Variants in C1QTNF3 observed in about 807,000 individuals in gnomAD.
C1QTNF3 encodes C1q and TNF related 3.
A neutral mutation model predicts 32.6 loss-of-function variants in C1QTNF3; 26 were observed. The ratio of observed to expected loss-of-function variants is 0.80; its 90% CI spans 0.58 to 1.11. The LOEUF is 1.11. C1QTNF3 is among the 50% of genes least tolerant of loss of function. The pLI is 0.00. For missense variants in C1QTNF3, 362 were observed against 398.2 expected, an observed-to-expected ratio of 0.91 and a Z score of 0.77; for synonymous variants, 155 against 146.0, an observed-to-expected ratio of 1.06 and a Z score of -0.44.
chr5:34,241,094 A>G, the C1QTNF3 span, among the ~76,000 whole-genome samples: 7 of 152,094 alleles, frequency 4.6e-5, no homozygotes, highest in African/African-American at 7.2e-5. Flanking sequence ...AACAAAACAA[A>G]AAAAAAACCC....
the C1QTNF3 span, among the ~76,000 whole-genome samples, chr5:34,129,320 A>G: frequency 1.3e-5 from 2 of 152,206 alleles, no homozygotes; most frequent in Non-Finnish European, 2.9e-5. Flanking sequence ...GCTAAGTGAA[A>G]TAAGCCAGGC....
the C1QTNF3 span, among the ~76,000 whole-genome samples, chr5:34,063,214 CTCTT>C: frequency 5.9e-5 from 9 of 152,138 alleles, no homozygotes; most frequent in Middle Eastern, 3.4e-3. Flanking sequence ...ACTTGTATAT[CTCTT>C]TCTTTCTCTC....
At chr5:34,135,650 T>C in the C1QTNF3 span, among the ~76,000 whole-genome samples, 1 of 150,436 alleles carries the variant, frequency 6.6e-6, no homozygotes, top group Admixed American at 6.7e-5. Context: ...GGAGCCTGCA[T>C]TGCCAAGACA....
At chr5:34,120,305 G>GT in the C1QTNF3 span, among the ~76,000 whole-genome samples, 2 of 151,752 alleles carry the variant, frequency 1.3e-5, no homozygotes, top group Non-Finnish European at 2.9e-5. Flanking sequence ...ATCAGTTTCA[G>GT]TTTTTTATAT....
intron 4 of C1QTNF3, among the ~76,000 whole-genome samples, chr5:34,027,105 C>A (rs959612460): frequency 2.6e-5 from 4 of 152,104 alleles, no homozygotes; most frequent in African/African-American, 9.7e-5. Context: ...GATGGTTAAA[C>A]AAAATATGAG....
At chr5:34,052,552 T>C in the C1QTNF3 span, among the ~76,000 whole-genome samples, 1 of 152,254 alleles carries the variant, frequency 6.6e-6, no homozygotes. Flanking sequence ...GAGTTCCATC[T>C]CCTTGACTTT....
At chr5:34,173,403 C>T in the C1QTNF3 span, among the ~76,000 whole-genome samples, 12 of 144,294 alleles carry the variant, frequency 8.3e-5, no homozygotes, top group East Asian at 9.9e-4. Context: ...CAAAAACAAA[C>T]TTGGTTGAAT....
chr5:34,036,931 G>A (rs773563482), intron 1 of C1QTNF3, among the ~76,000 whole-genome samples: 1 of 151,796 alleles, frequency 6.6e-6, no homozygotes, highest in African/African-American at 2.4e-5. Flanking sequence ...CAGCCTGGGC[G>A]ACAAGAGCAA....
intron 3 of C1QTNF3, among the ~76,000 whole-genome samples, chr5:34,031,752 T>C (rs546456818): frequency 2.0e-5 from 3 of 152,300 alleles, no homozygotes; most frequent in African/African-American, 7.2e-5. Context: ...AGAGAATCGC[T>C]TGAACCTTGG....
the C1QTNF3 span, among the ~76,000 whole-genome samples, chr5:34,212,335 C>T: frequency 3.4e-4 from 52 of 152,170 alleles, no homozygotes; most frequent in Non-Finnish European, 6.0e-4. Flanking sequence ...ATTCAGGACA[C>T]AGGCATGGGC....
the C1QTNF3 span, among the ~76,000 whole-genome samples, chr5:34,089,855 A>T: frequency 3.3e-5 from 5 of 152,222 alleles, no homozygotes; most frequent in Non-Finnish European, 7.3e-5. Context: ...ATTATAAATA[A>T]TGTCAACTGT....
At chr5:34,056,336 T>G in the C1QTNF3 span, among the ~76,000 whole-genome samples, 3 of 151,330 alleles carry the variant, frequency 2.0e-5, no homozygotes, top group Non-Finnish European at 4.4e-5. Context: ...CATATTTTAG[T>G]TCACCTTTTA....
the C1QTNF3 span, among the ~76,000 whole-genome samples, chr5:34,173,193 AC>A: frequency 1.1e-4 from 16 of 152,266 alleles, no homozygotes; most frequent in African/African-American, 3.4e-4. Context: ...TATGTATAAA[AC>A]TTATATTAGA....
the C1QTNF3 span, among the ~76,000 whole-genome samples, chr5:34,086,295 AG>A: frequency 2.3e-5 from 3 of 130,620 alleles, no homozygotes; most frequent in Non-Finnish European, 4.8e-5. Flanking sequence ...GTCAGGGGTT[AG>A]GGGGCTAAGG....
At chr5:34,174,037 T>A in the C1QTNF3 span, among the ~76,000 whole-genome samples, 1 of 152,224 alleles carries the variant, frequency 6.6e-6, no homozygotes, top group Non-Finnish European at 1.5e-5. Flanking sequence ...CGATTTGGCT[T>A]ATATGATCTC....
the C1QTNF3 span, among the ~76,000 whole-genome samples, chr5:34,214,393 A>G: frequency 6.6e-6 from 1 of 151,814 alleles, no homozygotes; most frequent in African/African-American, 2.4e-5. Flanking sequence ...ATTAAAATTT[A>G]AAGTTCTTCT....
At chr5:34,112,997 T>C in the C1QTNF3 span, among the ~76,000 whole-genome samples, 1 of 151,256 alleles carries the variant, frequency 6.6e-6, no homozygotes, top group African/African-American at 2.4e-5. Context: ...AAAGATAATC[T>C]AATTCAATGA....
chr5:34,212,521 T>C, the C1QTNF3 span, among the ~76,000 whole-genome samples: 3 of 151,862 alleles, frequency 2.0e-5, no homozygotes, highest in African/African-American at 7.3e-5. Context: ...AAAGGGCTAA[T>C]ATCCAGAATC....
chr5:34,145,394 T>C, the C1QTNF3 span, among the ~76,000 whole-genome samples: 57 of 151,994 alleles, frequency 3.8e-4, 1 homozygote, highest in East Asian at 9.9e-3. Context: ...CTGGAGACAA[T>C]AGATATATTC....
Sources: allele counts gnomAD v4.1 joint callset (sites outside exome capture counted in the v4.1 genomes callset), GRCh38; gene constraint gnomAD v4.1.1; transcripts MANE v1.5; gene names NCBI Gene and HGNC (gene_info 2026-07-23, HGNC 2026-07-21).